The following NKIRAS1 variants were observed in gnomAD, a reference collection of about 807,000 sequenced individuals.
NKIRAS1 encodes NFKB inhibitor interacting Ras like 1.
NKIRAS1 carries 16 observed loss-of-function variants against 19.8 expected under a neutral mutation model. The observed-to-expected ratio is 0.81, with a 90% confidence interval of 0.55 to 1.23. The LOEUF (loss-of-function observed/expected upper bound fraction) is 1.23. Ranked by LOEUF, NKIRAS1 falls within the 50% of genes most tolerant of loss-of-function variation. The pLI is 0.00. For missense variants in NKIRAS1, 184 were observed against 220.0 expected, an observed-to-expected ratio of 0.84 and a Z score of 1.04; for synonymous variants, 88 against 79.0, an observed-to-expected ratio of 1.11 and a Z score of -0.61.
intron 1 of NKIRAS1, among the ~76,000 whole-genome samples, chr3:23,937,988 G>A (rs1311828673): frequency 6.6e-6 from 1 of 152,038 alleles, no homozygotes; most frequent in East Asian, 1.9e-4. Flanking sequence ...GCAAGAAACT[G>A]GGTCTATATC....
At chr3:23,903,897 G>A (rs1272458547) in intron 3 of NKIRAS1, among the ~76,000 whole-genome samples, 1 of 152,200 alleles carries the variant, frequency 6.6e-6, no homozygotes, top group East Asian at 1.9e-4. Flanking sequence ...AGGCTCGGGG[G>A]CTCACACCTG....
At chr3:23,895,367 G>A (rs533614094) in intron 4 of NKIRAS1, among the ~76,000 whole-genome samples, 6 of 152,046 alleles carry the variant, frequency 3.9e-5, no homozygotes, top group Non-Finnish European at 8.8e-5. Context: ...ATCCCACTCT[G>A]ACTCCTGCCT....
At chr3:23,917,769 T>G, upstream of NKIRAS1, 1 of 1,378,504 alleles carries the variant, frequency 7.3e-7, no homozygotes, top group Non-Finnish European at 9.9e-7. Flanking sequence ...CTTGTTTTTG[T>G]TGGGGAACTA....
intron 3 of NKIRAS1, among the ~76,000 whole-genome samples, chr3:23,906,273 A>G (rs1482023162): frequency 6.6e-6 from 1 of 152,222 alleles, no homozygotes; most frequent in African/African-American, 2.4e-5. Flanking sequence ...AAGAAAAAAA[A>G]TAGATTATCT....
intron 3 of NKIRAS1, among the ~76,000 whole-genome samples, chr3:23,908,955 A>G (rs1192608236): frequency 6.6e-6 from 1 of 151,868 alleles, no homozygotes; most frequent in East Asian, 1.9e-4. Context: ...TGGCCTCCCA[A>G]AGTGCTGAGA....
chr3:23,918,336 C>A, upstream of NKIRAS1: 1 of 1,318,822 alleles, frequency 7.6e-7, no homozygotes, highest in South Asian at 1.4e-5. Context: ...ATAGCATTAA[C>A]TTACTGTTGA....
At chr3:23,945,467 C>A in intron 1 of NKIRAS1, 1 of 546,194 alleles carries the variant, frequency 1.8e-6, no homozygotes, top group Non-Finnish European at 2.4e-6. Flanking sequence ...CATGAGGGGG[C>A]CCCGCGACCA....
intron 1 of NKIRAS1, chr3:23,945,180 C>T (rs1246223772): frequency 4.4e-5 from 1 of 22,630 alleles, no homozygotes; most frequent in Non-Finnish European, 8.2e-5. Flanking sequence ...GGGAAGCGGG[C>T]GGGAGGGAGG....
At chr3:23,901,171 C>A in intron 3 of NKIRAS1, 122 bp from the exon 4 acceptor site, 391 of 900,298 alleles carry the variant, frequency 4.3e-4, no homozygotes, top group Non-Finnish European at 6.0e-4. Flanking sequence ...AATCACATTT[C>A]TATTTTACTT....
At chr3:23,912,648 C>G (rs185216200) in intron 1 of NKIRAS1, among the ~76,000 whole-genome samples, 2 of 152,118 alleles carry the variant, frequency 1.3e-5, no homozygotes, top group Admixed American at 1.3e-4. Context: ...TCTCAAAGAT[C>G]TAGAACTAGA....
chr3:23,904,019 G>C (rs1016171049), intron 3 of NKIRAS1, among the ~76,000 whole-genome samples: 4 of 152,154 alleles, frequency 2.6e-5, no homozygotes, highest in Non-Finnish European at 5.9e-5. Context: ...ACAAAAATTA[G>C]CTGGGCACGG....
chr3:23,893,075 A>G lies in NKIRAS1; in HGVS notation c.*20T>C, dbSNP rs768484683. On this transcript the variant is annotated 3_prime_UTR_variant, in exon 5 of 5. Transcript: ENST00000425478. Reference sequence around the variant, plus strand: ...AAAGGCAATCACTATTCAACATACAATTGTGGAAATTACTGATTTTTAGTT... The same window carrying G: ...AAAGGCAATCACTATTCAACATACAGTTGTGGAAATTACTGATTTTTAGTT... 3.3e-6 allele frequency: 5 copies of G among 1,535,830 alleles called. No homozygotes were observed. The Admixed American group carries it at 6.4e-5, about 20-fold the overall frequency.
At chr3:23,944,472 T>C (rs1179694249) in intron 1 of NKIRAS1, among the ~76,000 whole-genome samples, 2 of 152,222 alleles carry the variant, frequency 1.3e-5, no homozygotes, top group African/African-American at 4.8e-5. Context: ...CGGGCATCAA[T>C]GCACTTTCCT....
At chr3:23,896,020 A>G (rs552601247) in intron 4 of NKIRAS1, among the ~76,000 whole-genome samples, 70 of 151,372 alleles carry the variant, frequency 4.6e-4, no homozygotes, top group Non-Finnish European at 8.7e-4. Context: ...CTGTAGTCCC[A>G]GCTACTTGGG....
chr3:23,920,012 T>G, upstream of NKIRAS1: 1 of 986,752 alleles, frequency 1.0e-6, no homozygotes, highest in Non-Finnish European at 1.2e-6. Context: ...AGGTGAAAGC[T>G]CCTGGTTCAG....
At chr3:23,943,121 T>C (rs1409392547) in intron 1 of NKIRAS1, among the ~76,000 whole-genome samples, 1 of 152,216 alleles carries the variant, frequency 6.6e-6, no homozygotes, top group African/African-American at 2.4e-5. Flanking sequence ...TTCACCATTA[T>C]AGTATCATAC....
rs940767462 is a variant in NKIRAS1 at position 23,891,495 on chromosome 3, G to A, written c.*1600C>T. On this transcript the variant is annotated 3_prime_UTR_variant, in exon 5 of 5. Coordinates refer to ENST00000425478, the MANE Select transcript of NKIRAS1 (RefSeq NM_020345.4). ...CTGTAGATGAGGTATCCTAGAAAAG[G>A]TTAAATAATCTACCCCATTTAGGCT... 1.2e-4 allele frequency among the ~76,000 whole-genome samples: 19 copies of A among 152,134 alleles called. No individual in the cohort carries two copies. The highest frequency in any genetic ancestry group is 4.3e-4 in the African/African-American group (18 of 41,418).
chr3:23,934,423 T>C (rs1559516353), intron 1 of NKIRAS1, among the ~76,000 whole-genome samples: 2 of 152,186 alleles, frequency 1.3e-5, no homozygotes, highest in Admixed American at 1.3e-4. Context: ...TCTTGTGATA[T>C]TGGGAATTTG....
chr3:23,895,133 C>T (rs1379968507), intron 4 of NKIRAS1, among the ~76,000 whole-genome samples: 2 of 152,146 alleles, frequency 1.3e-5, no homozygotes, highest in East Asian at 3.8e-4. Flanking sequence ...CAGCCTTGAT[C>T]TTCTGGGCTC....
Sources: gnomAD v4.1 joint callset for allele counts (sites outside exome capture counted in the v4.1 genomes callset) on GRCh38, gnomAD v4.1.1 for gene constraint, MANE v1.5 for transcripts, NCBI Gene and HGNC (gene_info 2026-07-23, HGNC 2026-07-21) for gene names.